Variants in FGGY observed in about 807,000 individuals in gnomAD.
FGGY encodes FGGY carbohydrate kinase domain-containing protein.
In FGGY, 72 loss-of-function variants were observed where a neutral mutation model predicts 71.3. The ratio of observed to expected loss-of-function variants is 1.01; its 90% CI spans 0.84 to 1.23. The LOEUF is 1.23. FGGY is among the 50% of genes most tolerant of loss of function. The probability of loss-of-function intolerance (pLI) is 0.00; values close to 1 mark genes in which losing one functional copy is unlikely to be tolerated. For missense variants in FGGY, 668 were observed against 682.3 expected (o/e 0.98, Z 0.23); for synonymous variants, 251 against 250.3 (o/e 1.00, Z -0.02).
At chr1:59,753,510 A>ATATATATC (rs2098264800) in intron 14 of FGGY, among the ~76,000 whole-genome samples, 1 of 124,070 alleles carries the variant, frequency 8.1e-6, no homozygotes, top group African/African-American at 3.1e-5. Flanking sequence ...ATATATATAT[A>ATATATATC]TATGGCATTA....
chr1:59,373,563 G>C (rs946607149), intron 4 of FGGY, among the ~76,000 whole-genome samples: 2 of 152,074 alleles, frequency 1.3e-5, no homozygotes, highest in African/African-American at 2.4e-5. Context: ...CTACTTTAAA[G>C]TTCATATGGA....
intron 8 of FGGY, 133 bp from the exon 9 acceptor site, chr1:59,607,670 G>T: frequency 1.7e-6 from 1 of 600,582 alleles, no homozygotes. Flanking sequence ...TTTCTTGGGA[G>T]AGAGTGACTT....
At chr1:59,505,435 T>A (rs905268259) in intron 6 of FGGY, among the ~76,000 whole-genome samples, 4 of 152,184 alleles carry the variant, frequency 2.6e-5, no homozygotes, top group African/African-American at 9.7e-5. Context: ...TCCAGGACCC[T>A]CTCTGCTGGT....
At position 59,589,902 on chromosome 1, in the gene FGGY, T is replaced by G. The variant is rs2096394777; in HGVS notation, c.904-17901T>G. On this transcript the variant is annotated intron_variant, in intron 8 of 15. Transcript: ENST00000303721. ...ACTAGAGAAGCAAGAGCAAACACATTCAAAAGCTAGCAGAAGGCAAGAAAT... is the reference window on the plus strand; with the variant it reads ...ACTAGAGAAGCAAGAGCAAACACATGCAAAAGCTAGCAGAAGGCAAGAAAT... Among the ~76,000 whole-genome samples, 5 of 151,822 alleles carry G rather than the reference T, an allele frequency of 3.3e-5. No homozygotes were observed. The South Asian group carries it at 1.0e-3, about 32-fold the overall frequency.
intron 14 of FGGY, among the ~76,000 whole-genome samples, chr1:59,726,099 T>A (rs2097944628): frequency 6.6e-6 from 1 of 152,136 alleles, no homozygotes; most frequent in African/African-American, 2.4e-5. Flanking sequence ...ATATTCATAG[T>A]TTGCTGTGAA....
At chr1:59,502,661 A>G (rs2094261740) in intron 6 of FGGY, among the ~76,000 whole-genome samples, 1 of 152,176 alleles carries the variant, frequency 6.6e-6, no homozygotes, top group Non-Finnish European at 1.5e-5. Flanking sequence ...GTGCTGCCAT[A>G]GCAGGGAGTG....
chr1:59,443,637 C>A (rs895447149), intron 5 of FGGY, among the ~76,000 whole-genome samples: 8 of 152,218 alleles, frequency 5.3e-5, no homozygotes, highest in African/African-American at 1.7e-4. Flanking sequence ...TATATAGACA[C>A]CACTGTCCTT....
intron 6 of FGGY, among the ~76,000 whole-genome samples, chr1:59,485,393 C>A (rs887761311): frequency 6.6e-6 from 1 of 152,078 alleles, no homozygotes; most frequent in African/African-American, 2.4e-5. Flanking sequence ...AGGCAGTGGC[C>A]ATCCTCTTTC....
intron 3 of FGGY, among the ~76,000 whole-genome samples, chr1:59,343,811 G>A (rs2051201751): frequency 6.6e-6 from 1 of 152,158 alleles, no homozygotes; most frequent in Admixed American, 6.5e-5. Context: ...TGCATTTTGA[G>A]AGCATCTTTA....
At chr1:59,387,859 C>G (rs377583898) in intron 5 of FGGY, among the ~76,000 whole-genome samples, 2 of 152,276 alleles carry the variant, frequency 1.3e-5, no homozygotes, top group East Asian at 3.9e-4. Flanking sequence ...ACCACAACAT[C>G]ATTATCACAC....
At chr1:59,716,550 C>A (rs761124135) in intron 14 of FGGY, among the ~76,000 whole-genome samples, 4 of 151,990 alleles carry the variant, frequency 2.6e-5, no homozygotes, top group African/African-American at 9.7e-5. Context: ...TTGTTTTATG[C>A]GGCAAACTAG....
chr1:59,311,896 A>G (rs1281768297), intron 1 of FGGY, among the ~76,000 whole-genome samples: 1 of 152,242 alleles, frequency 6.6e-6, no homozygotes, highest in East Asian at 1.9e-4. Flanking sequence ...GTTTCTACAT[A>G]GCCTTGCCAG....
At chr1:59,522,092 G>A (rs2094849398) in intron 7 of FGGY, among the ~76,000 whole-genome samples, 1 of 152,178 alleles carries the variant, frequency 6.6e-6, no homozygotes, top group South Asian at 2.1e-4. Flanking sequence ...CTAGGTACTT[G>A]ACTATTCACT....
intron 8 of FGGY, among the ~76,000 whole-genome samples, chr1:59,606,806 C>T (rs567386187): frequency 6.6e-6 from 1 of 152,254 alleles, no homozygotes; most frequent in African/African-American, 2.4e-5. Flanking sequence ...ATCTTTAGTA[C>T]ATTCCTCACC....
At chr1:59,677,939 T>A (rs1457387339) in intron 14 of FGGY, among the ~76,000 whole-genome samples, 1 of 152,148 alleles carries the variant, frequency 6.6e-6, no homozygotes, top group Non-Finnish European at 1.5e-5. Flanking sequence ...TTTGTCAAAT[T>A]CGGATCTCAC....
intron 6 of FGGY, among the ~76,000 whole-genome samples, chr1:59,485,748 C>T (rs2093639529): frequency 6.6e-6 from 1 of 152,140 alleles, no homozygotes; most frequent in African/African-American, 2.4e-5. Context: ...TTACTAGGAA[C>T]TGTTCTAAGA....
At chr1:59,683,231 A>G (rs533426027) in intron 14 of FGGY, among the ~76,000 whole-genome samples, 11 of 152,352 alleles carry the variant, frequency 7.2e-5, no homozygotes, top group African/African-American at 2.4e-4. Flanking sequence ...GACAAGAAAC[A>G]GGGCCAGAAA....
intron 14 of FGGY, among the ~76,000 whole-genome samples, chr1:59,710,140 A>G (rs918639536): frequency 9.9e-5 from 15 of 152,204 alleles, no homozygotes; most frequent in Admixed American, 7.9e-4. Context: ...GGCCCTGGAG[A>G]CTAGCCCCAT....
intron 2 of FGGY, among the ~76,000 whole-genome samples, chr1:59,325,794 A>G (rs1218460116): frequency 6.6e-6 from 1 of 152,214 alleles, no homozygotes; most frequent in East Asian, 1.9e-4. Flanking sequence ...TATTTGAAAT[A>G]TGAGGAAATT....
Sources: allele counts gnomAD v4.1 joint callset (sites outside exome capture counted in the v4.1 genomes callset), GRCh38; gene constraint gnomAD v4.1.1; transcripts MANE v1.5; gene names NCBI Gene and HGNC (gene_info 2026-07-23, HGNC 2026-07-21).